Variants in ATP5F1A observed in about 807,000 individuals in gnomAD.
The protein encoded by ATP5F1A is ATP synthase F1 subunit alpha.
A neutral mutation model predicts 57.4 loss-of-function variants in ATP5F1A; 24 were observed. The observed-to-expected ratio is 0.42, with a 90% CI of 0.30 to 0.59. ATP5F1A has a LOEUF of 0.59. Ranked by LOEUF, ATP5F1A falls within the 20% of genes least tolerant of loss-of-function variation. The probability of loss-of-function intolerance (pLI) is 0.19; values close to 1 mark genes in which losing one functional copy is unlikely to be tolerated. For synonymous variants in ATP5F1A, 251 were observed against 255.5 expected (o/e 0.98, Z 0.17); for missense variants, 494 against 707.9 (o/e 0.70, Z 3.43).
intron 2 of ATP5F1A, among the ~76,000 whole-genome samples, chr18:46,094,186 C>CACACACACACACACACACACAT (rs140950200): frequency 1.7e-4 from 25 of 151,096 alleles, no homozygotes; most frequent in African/African-American, 6.1e-4. Context: ...CACACACACA[C>CACACACACACACACACACACAT]ATATACACAC....
Position 46,084,103 on chromosome 18 carries a change from T to C in ATP5F1A, c.*179A>G. The C allele has an allele frequency of 1.9e-6, 1 of 513,776 alleles. No individual in the cohort carries two copies. Among genetic ancestry groups the C allele is most frequent in the Non-Finnish European group, 3.3e-6 (1 of 302,246 alleles). 31.8% of individuals were successfully genotyped at this position (513,776 alleles called of 1,614,324 possible). On this transcript the variant is annotated 3_prime_UTR_variant, in exon 12 of 12. Coordinates refer to ENST00000398752, the MANE Select transcript of ATP5F1A (RefSeq NM_004046.6). ...AAGCATTTGCTTACCAATTTCTCAATTTGATCTTGGTTTTAAAGAATAACA... is the reference window on the plus strand; with the variant it reads ...AAGCATTTGCTTACCAATTTCTCAACTTGATCTTGGTTTTAAAGAATAACA...
intron 10 of ATP5F1A, 125 bp from the exon 11 acceptor site, chr18:46,084,779 C>A: frequency 2.0e-6 from 2 of 1,017,262 alleles, no homozygotes; most frequent in African/African-American, 1.7e-5. Flanking sequence ...CTATTCTTCA[C>A]AATATCAATG....
rs1909754973 is a variant in ATP5F1A at position 46,081,682 on chromosome 18, A to AAAAAAAAAAAAAAAAAAC, written c.*2599_*2600insGTTTTTTTTTTTTTTTTT. On this transcript the variant is annotated 3_prime_UTR_variant, in exon 12 of 12. Coordinates refer to ENST00000398752, the MANE Select transcript of ATP5F1A (RefSeq NM_004046.6). ...TCTCAAAAAAAAAAAACAAAAAAAA[A>AAAAAAAAAAAAAAAAAAC]AAAAAAAAAAAAAAACGAAATGTGC... is the stretch of plus-strand genomic sequence containing the variant. 21 of 102,308 alleles carry AAAAAAAAAAAAAAAAAAC rather than the reference A, an allele frequency of 2.1e-4. No individual in the cohort carries two copies. The highest frequency in any genetic ancestry group is 3.2e-4 in the Non-Finnish European group (17 of 52,838). 6.3% of individuals were successfully genotyped at this position (102,308 alleles called of 1,614,324 possible).
rs1259742562 is a variant in ATP5F1A at position 46,085,131 on chromosome 18, T to C, written c.1430-477A>G. ...TTTACACTCAAATGATAATAAGAAA[T>C]GTAGTTTGGGCCGGGCATGGTAACT... On this transcript the variant is annotated intron_variant, in intron 10 of 11. Coordinates refer to ENST00000398752, the MANE Select transcript of ATP5F1A (RefSeq NM_004046.6). The C allele has an allele frequency of 2.0e-5, 3 of 152,028 alleles. No homozygotes were observed. The Admixed American group carries it at 2.0e-4, about 10-fold the overall frequency. 9.4% of individuals were successfully genotyped at this position (152,028 alleles called of 1,614,324 possible).
upstream of ATP5F1A, among the ~76,000 whole-genome samples, chr18:46,103,269 ACT>A (rs57157757): frequency 0.58 from 88,095 of 151,300 alleles, 25,971 homozygotes; most frequent in African/African-American, 0.69. Flanking sequence ...AGATCATGTC[ACT>A]CTGCACTCCA....
intron 3 of ATP5F1A, 61 bp downstream of exon 3, chr18:46,091,621 C>T (rs1599780622): frequency 1.4e-6 from 2 of 1,459,024 alleles, no homozygotes; most frequent in Non-Finnish European, 1.8e-6. Flanking sequence ...CTTTGAATCG[C>T]TAAATGAATA....
At chr18:46,093,306 G>A (rs72903432) in intron 2 of ATP5F1A, 9,744 of 151,960 alleles carry the variant, frequency 0.064, 405 homozygotes, top group African/African-American at 0.12. Flanking sequence ...GGAGGCGGGC[G>A]GACCACTTGA....
rs769494107 is a variant in ATP5F1A at position 46,087,512 on chromosome 18, A to C, written c.800-20T>G. 1.2e-6 allele frequency: 2 copies of C among 1,607,010 alleles called. No homozygotes were observed. Among genetic ancestry groups the C allele is most frequent in the Non-Finnish European group, 1.7e-6 (2 of 1,177,928 alleles). ...TGGCATCTGAGAAAATATATTTTAC[A>C]ATTTTATCAATATTGTGGTTTTAAA... On this transcript the variant is annotated intron_variant, in intron 6 of 11. Coordinates refer to ENST00000398752, the MANE Select transcript of ATP5F1A (RefSeq NM_004046.6).
In ATP5F1A at chr18:46,087,354, T is replaced by G; in HGVS notation, c.938A>C (p.Asp313Ala). ...NGKHALIIYD[D>A]LSKQAVAYRQ... is the part of the protein sequence containing the mutation. ...ATTTCCTTTGACCTGTTTGGATAAG[T>G]CGTCATAGATGATCAAAGCATGTTT... is the stretch of plus-strand genomic sequence containing the variant. The change falls in exon 7 of 12, where the codon GAC becomes GCC. Residue 313 changes from aspartate (D) to alanine (A), a missense_variant. This residue lies in a region of ATP5F1A where 191 missense variants were observed against 267.7 expected (regional missense o/e 0.71). Transcript: ENST00000398752. 6.2e-7 allele frequency: 1 copy of G among 1,614,122 alleles called. No individual in the cohort carries two copies. The highest frequency in any genetic ancestry group is 8.5e-7 in the Non-Finnish European group (1 of 1,180,022).
chr18:46,101,845 A>G (rs970596009), upstream of ATP5F1A, among the ~76,000 whole-genome samples: 8 of 142,190 alleles, frequency 5.6e-5, no homozygotes, highest in Non-Finnish European at 1.2e-4. Flanking sequence ...TGACCACTGC[A>G]CTCCAGCTTG....
chr18:46,086,802 G>A (rs905198172), intron 8 of ATP5F1A: 22 of 634,552 alleles, frequency 3.5e-5, no homozygotes, highest in Non-Finnish European at 5.7e-5. Flanking sequence ...AAACTAGAAC[G>A]AAACATGCTA....
In ATP5F1A at chr18:46,084,354, T is replaced by C. The variant is rs1424392167; in HGVS notation, c.1590A>G (p.Gly530=). ...TTGCATCTGATTGTTCTGAGATCTT[T>C]CCATCAGCCCTATTTGGAAATAAAA... ...QALLGTIRAD[G]KISEQSDAKL... is the part of the protein sequence containing the mutation. Residue 530 remains glycine, a synonymous_variant, in exon 12 of 12, where the codon GGA becomes GGG. Coordinates refer to ENST00000398752, the MANE Select transcript of ATP5F1A (RefSeq NM_004046.6). 1.2e-6 allele frequency: 2 copies of C among 1,613,182 alleles called. No individual in the cohort carries two copies. The highest frequency in any genetic ancestry group is 4.5e-5 in the East Asian group (2 of 44,846).
chr18:46,094,139 C>T (rs564791120), intron 2 of ATP5F1A, among the ~76,000 whole-genome samples: 2 of 149,138 alleles, frequency 1.3e-5, no homozygotes, highest in Admixed American at 6.7e-5. Context: ...AACATATATG[C>T]TGAACGTGGG....
Position 46,084,265 on chromosome 18 carries a change from T to C in ATP5F1A, c.*17A>G, listed in dbSNP as rs371917754. ...ATGACAAAACTGAACTGGTATTTGA[T>C]GTGAATCCACAGGAGTTTAAGCTTC... On this transcript the variant is annotated 3_prime_UTR_variant, in exon 12 of 12. Coordinates refer to ENST00000398752, the MANE Select transcript of ATP5F1A (RefSeq NM_004046.6). 15 of 1,603,814 alleles carry C rather than the reference T, an allele frequency of 9.4e-6. No homozygotes were observed.
chr18:46,098,354 T>G (rs1911139249), upstream of ATP5F1A: 5 of 1,303,532 alleles, frequency 3.8e-6, no homozygotes, highest in East Asian at 2.8e-5. Flanking sequence ...GTACTGCCCC[T>G]CGCGTTCACC....
upstream of ATP5F1A, among the ~76,000 whole-genome samples, chr18:46,099,519 CA>C (rs1410586319): frequency 2.0e-5 from 3 of 151,678 alleles, no homozygotes; most frequent in Non-Finnish European, 4.4e-5. Flanking sequence ...GTGGGTTTAT[CA>C]CCATTCATTG....
At chr18:46,093,432 G>C (rs1312991495) in intron 2 of ATP5F1A, 8 of 152,184 alleles carry the variant, frequency 5.3e-5, no homozygotes, top group Admixed American at 4.6e-4. Context: ...AGCTACTCGG[G>C]AGGCTGAGGC....
At chr18:46,098,086 C>CCT (rs1181579332) in intron 1 of ATP5F1A, 86 bp downstream of exon 1, 1 of 1,484,410 alleles carries the variant, frequency 6.7e-7, no homozygotes, top group Non-Finnish European at 8.9e-7. Flanking sequence ...AGCCCCTCGC[C>CCT]CTCCTGCAGA....
In ATP5F1A at chr18:46,103,610, C is replaced by CAAA. The variant is rs71160711; in HGVS notation, c.-49+524_-49+526dup. On this transcript the variant is annotated intron_variant, in intron 1 of 12. Transcript: ENST00000282050. The stretch of plus-strand genomic sequence containing the variant: ...AGCCTGAACAACAGAGACTCCATCT[C>CAAA]AAAAAAAAAAAAAAAAAAAAAAAAG... 4.4e-3 allele frequency among the ~76,000 whole-genome samples: 150 copies of CAAA among 34,298 alleles called. 2 individuals are homozygous for CAAA. Among genetic ancestry groups the CAAA allele is most frequent in the Admixed American group, 5.2e-3 (13 of 2,484 alleles). The allele number at this position is 34,298 out of a possible 152,430, so 22.5% of individuals were successfully genotyped here.
Sources: allele counts gnomAD v4.1 joint callset (sites outside exome capture counted in the v4.1 genomes callset), GRCh38; gene constraint gnomAD v4.1.1; regional missense constraint gnomAD v4.1.1; transcripts MANE v1.5; gene names NCBI Gene and HGNC (gene_info 2026-07-23, HGNC 2026-07-21).